The following VIRMA variants were observed in gnomAD, a reference collection of about 807,000 sequenced individuals.
The protein encoded by VIRMA is protein virilizer homolog.
VIRMA carries 65 observed loss-of-function variants against 182.4 expected under a neutral mutation model. The observed-to-expected ratio is 0.36, with a 90% CI of 0.29 to 0.44. The LOEUF is 0.44. VIRMA is among the 20% of genes least tolerant of loss of function. The pLI, the probability that VIRMA is intolerant of heterozygous loss-of-function variation, is 1.00. For synonymous variants in VIRMA, 709 were observed against 743.1 expected (o/e 0.95, Z 0.75); for missense variants, 1,752 against 2,158.1 (o/e 0.81, Z 3.73).
chr8:94,488,619 G>A lies in VIRMA; in HGVS notation c.*87C>T. The A allele has an allele frequency of 7.8e-7, 1 of 1,278,166 alleles. No individual in the cohort carries two copies. The highest frequency in any genetic ancestry group is 1.1e-6 in the Non-Finnish European group (1 of 916,940). 79.2% of individuals were successfully genotyped at this position (1,278,166 alleles called of 1,614,324 possible). On this transcript the variant is annotated 3_prime_UTR_variant, in exon 24 of 24. Coordinates refer to ENST00000297591, the MANE Select transcript of VIRMA (RefSeq NM_015496.5). The stretch of plus-strand genomic sequence containing the variant: ...TTCTCTCAGATGTCTCCAGATAACT[G>A]CTAAGTCTAAATTGGTCCTTCAATG...
intron 1 of VIRMA, among the ~76,000 whole-genome samples, chr8:94,551,871 C>T (rs1815998294): frequency 6.6e-6 from 1 of 152,126 alleles, no homozygotes; most frequent in South Asian, 2.1e-4. Flanking sequence ...GCAACAAGAT[C>T]AAACCACCAC....
chr8:94,512,044 C>A lies in VIRMA; in HGVS notation c.2797G>T (p.Ala933Ser). 6.5e-7 allele frequency: 1 copy of A among 1,530,616 alleles called. No individual in the cohort carries two copies. The highest frequency in any genetic ancestry group is 8.8e-7 in the Non-Finnish European group (1 of 1,138,880). The allele number at this position is 1,530,616 out of a possible 1,614,324, so 94.8% of individuals were successfully genotyped here. A position where few individuals can be genotyped will look rare whatever the true frequency, so the allele number is the denominator to read the frequency against. Residue 933 changes from alanine (A) to serine (S), a missense_variant, in exon 12 of 24, where the codon GCC becomes TCC. Around this residue, in one of 11 missense-constraint regions of VIRMA, gnomAD observed 777 missense variants for 920.6 expected, o/e 0.84. Transcript: ENST00000297591. ...MTPEGVGLTT[A>S]LRVLCNVACP... is the part of the protein sequence containing the mutation. ...GCAACATTACAGAGAACACGTAAGG[C>A]AGTGGTAAGGCCAACTCCTTCTGGG...
Position 94,553,438 on chromosome 8 carries a change from C to A in VIRMA, c.10G>T (p.Asp4Tyr). 1 of 1,614,214 alleles carries A rather than the reference C, an allele frequency of 6.2e-7. No homozygotes were observed. Among genetic ancestry groups the A allele is most frequent in the Non-Finnish European group, 8.5e-7 (1 of 1,180,032 alleles). The change falls in exon 1 of 24, where the codon GAC (aspartate) becomes TAC (tyrosine). Residue 4 changes from aspartate to tyrosine, a missense_variant. Asp to Tyr is a radical substitution (Grantham distance 160). Coordinates refer to ENST00000297591, the MANE Select transcript of VIRMA (RefSeq NM_015496.5). ...AAAAATAACAGCTCCATCGCCGAGTCCACCGCCATGTTTGCCGCGGGCGGG... is the reference window on the plus strand; with the variant it reads ...AAAAATAACAGCTCCATCGCCGAGTACACCGCCATGTTTGCCGCGGGCGGG... MAVDSAMELLFLDT... is the reference protein window; with the variant it reads MAVYSAMELLFLDT...
At chr8:94,545,983 G>A (rs1025356583) in intron 1 of VIRMA, among the ~76,000 whole-genome samples, 22 of 144,612 alleles carry the variant, frequency 1.5e-4, no homozygotes, top group Admixed American at 9.3e-4. Context: ...CTTATGCCCA[G>A]GAGGTCAAGG....
intron 5 of VIRMA, among the ~76,000 whole-genome samples, chr8:94,532,403 AG>A (rs1201149568): frequency 6.6e-6 from 1 of 152,216 alleles, no homozygotes; most frequent in Non-Finnish European, 1.5e-5. Flanking sequence ...CACGGCATCC[AG>A]CCCAGATAAG....
intron 8 of VIRMA, among the ~76,000 whole-genome samples, chr8:94,524,236 T>A (rs1027381730): frequency 2.0e-5 from 3 of 151,954 alleles, no homozygotes; most frequent in Admixed American, 2.0e-4. Flanking sequence ...CGACCTCAGG[T>A]GAACCACCTG....
chr8:94,525,363 C>T (rs540596390), intron 8 of VIRMA, among the ~76,000 whole-genome samples: 14 of 152,182 alleles, frequency 9.2e-5, no homozygotes, highest in Non-Finnish European at 1.6e-4. Context: ...GGTTTTTCTC[C>T]TTATCTTACT....
chr8:94,489,082 T>A (rs556113842), intron 23 of VIRMA, among the ~76,000 whole-genome samples: 245 of 152,316 alleles, frequency 1.6e-3, no homozygotes, highest in African/African-American at 5.4e-3. Flanking sequence ...TATTATTTTT[T>A]AAAAATGTGC....
intron 16 of VIRMA, among the ~76,000 whole-genome samples, chr8:94,502,353 AC>A (rs1239741551): frequency 6.6e-6 from 1 of 152,094 alleles, no homozygotes; most frequent in African/African-American, 2.4e-5. Context: ...AAACAAACAG[AC>A]AAAAACACCC....
intron 3 of VIRMA, among the ~76,000 whole-genome samples, chr8:94,537,818 A>G (rs1815393477): frequency 6.6e-6 from 1 of 152,190 alleles, no homozygotes; most frequent in African/African-American, 2.4e-5. Context: ...AGCATGTACT[A>G]AATAATCAAA....
In VIRMA at chr8:94,492,759, T is replaced by C; in HGVS notation, c.4701A>G (p.Ser1567=). ...EKCCSDFDLH[S]ELERSFLSEP... is the part of the protein sequence containing the mutation. The stretch of plus-strand genomic sequence containing the variant: ...CTGACAAAAATGAGCGCTCTAATTC[T>C]GAGTGCAAATCAAAGTCACTACAGC... Residue 1567 remains serine, a synonymous_variant, in exon 21 of 24, where the codon TCA becomes TCG. Transcript: ENST00000297591. 6.2e-7 allele frequency: 1 copy of C among 1,613,706 alleles called. No individual in the cohort carries two copies. The highest frequency in any genetic ancestry group is 8.5e-7 in the Non-Finnish European group (1 of 1,179,744).
At chr8:94,521,598 AATTCTGACTC>A (rs1230068957) in intron 8 of VIRMA, among the ~76,000 whole-genome samples, 1 of 152,208 alleles carries the variant, frequency 6.6e-6, no homozygotes, top group African/African-American at 2.4e-5. Context: ...AATTATTTAT[AATTCTGACTC>A]ATTCTCTTCC....
At position 94,494,950 on chromosome 8, in the gene VIRMA, G is replaced by A. The variant is rs1195261914; in HGVS notation, c.4551C>T (p.Ala1517=). 2.5e-6 allele frequency: 4 copies of A among 1,599,398 alleles called. No homozygotes were observed. Among genetic ancestry groups the A allele is most frequent in the Admixed American group, 3.4e-5 (2 of 59,002 alleles). Residue 1517 remains alanine (A), a synonymous_variant, in exon 20 of 24, where the codon GCC becomes GCT. Coordinates refer to ENST00000297591, the MANE Select transcript of VIRMA (RefSeq NM_015496.5). ...CATCCATGACATCAGCAAGCACATA[G>A]GCAGTCCTGGAACAAGAAAAGTATC... The part of the protein sequence containing the change: ...SLQNLFNNRT[A]YVLADVMDDQ...
At chr8:94,520,020 G>GC (rs746848037) in intron 8 of VIRMA, among the ~76,000 whole-genome samples, 7 of 151,874 alleles carry the variant, frequency 4.6e-5, no homozygotes, top group Admixed American at 1.3e-4. Context: ...AGACCAGCCT[G>GC]GGCAACATGG....
chr8:94,492,853 A>G, intron 20 of VIRMA, 35 bp from the exon 21 acceptor site: 1 of 1,514,450 alleles, frequency 6.6e-7, no homozygotes, highest in Non-Finnish European at 9.1e-7. Context: ...ACACATATTA[A>G]ATGTAATTAT....
At chr8:94,507,780 A>G (rs1303606799) in intron 15 of VIRMA, among the ~76,000 whole-genome samples, 1 of 151,382 alleles carries the variant, frequency 6.6e-6, no homozygotes, top group Non-Finnish European at 1.5e-5. Flanking sequence ...AAAAACAAAA[A>G]GCCCCCTGCA....
intron 20 of VIRMA, 28 bp downstream of exon 20, chr8:94,494,832 T>C (rs73274021): frequency 0.015 from 18,410 of 1,242,294 alleles, 313 homozygotes; most frequent in African/African-American, 0.082. Flanking sequence ...CAATAACGTT[T>C]TTCTAAATAT....
intron 1 of VIRMA, among the ~76,000 whole-genome samples, chr8:94,552,038 T>C (rs901520856): frequency 2.0e-5 from 3 of 152,214 alleles, no homozygotes; most frequent in African/African-American, 7.2e-5. Context: ...TTTTAACTGT[T>C]CTCTATTTCT....
chr8:94,517,032 C>T (rs527696117), intron 10 of VIRMA, among the ~76,000 whole-genome samples: 21 of 152,172 alleles, frequency 1.4e-4, no homozygotes, highest in South Asian at 1.0e-3. Flanking sequence ...AAATGTCATT[C>T]GATACACATT....
Sources: allele counts gnomAD v4.1 joint callset (sites outside exome capture counted in the v4.1 genomes callset), GRCh38; gene constraint gnomAD v4.1.1; regional missense constraint gnomAD v4.1.1; transcripts MANE v1.5; gene names NCBI Gene and HGNC (gene_info 2026-07-23, HGNC 2026-07-21).